Variants in LSAMP observed in about 807,000 individuals in gnomAD.
LSAMP encodes limbic system-associated membrane protein.
In LSAMP, 7 loss-of-function variants were observed where a neutral mutation model predicts 38.6. The ratio of observed to expected loss-of-function variants is 0.18; its 90% CI spans 0.10 to 0.34. LSAMP has a LOEUF of 0.34. LSAMP is among the 10% of genes least tolerant of loss of function. LSAMP has a pLI of 1.00. For synonymous variants in LSAMP, 154 were observed against 166.8 expected (o/e 0.92, Z 0.59); for missense variants, 313 against 420.0 (o/e 0.75, Z 2.23).
intron 3 of LSAMP, among the ~76,000 whole-genome samples, chr3:115,893,114 A>T (rs972014111): frequency 6.6e-6 from 1 of 151,970 alleles, no homozygotes; most frequent in East Asian, 1.9e-4. Context: ...ACATGGACAC[A>T]GGGAGGGGAA....
intron 1 of LSAMP, among the ~76,000 whole-genome samples, chr3:116,095,288 A>T (rs1267239630): frequency 1.3e-5 from 2 of 152,236 alleles, no homozygotes; most frequent in Non-Finnish European, 2.9e-5. Flanking sequence ...AAACCCAGAC[A>T]AGCTGCGCAA....
intron 3 of LSAMP, among the ~76,000 whole-genome samples, chr3:115,884,233 G>C (rs1283909956): frequency 2.0e-5 from 3 of 152,042 alleles, no homozygotes; most frequent in Non-Finnish European, 4.4e-5. Flanking sequence ...TACATAAAGA[G>C]AATGATTTTG....
intron 3 of LSAMP, among the ~76,000 whole-genome samples, chr3:115,860,894 G>T (rs977847786): frequency 5.3e-5 from 8 of 152,194 alleles, no homozygotes; most frequent in Non-Finnish European, 7.3e-5. Flanking sequence ...ATGGTGATGT[G>T]TGAGGACATG....
At chr3:115,814,068 T>C (rs1355260752) in intron 6 of LSAMP, 1 of 152,218 alleles carries the variant, frequency 6.6e-6, no homozygotes, top group Non-Finnish European at 1.5e-5. Context: ...CACCCACTGA[T>C]GTATGTGGTA....
intron 1 of LSAMP, among the ~76,000 whole-genome samples, chr3:116,097,226 A>T (rs1259980101): frequency 6.6e-6 from 1 of 152,216 alleles, no homozygotes; most frequent in African/African-American, 2.4e-5. Flanking sequence ...TGGAAAAAAA[A>T]TATGGTCTTT....
At chr3:116,320,838 A>G (rs542978940) in intron 1 of LSAMP, among the ~76,000 whole-genome samples, 1 of 152,154 alleles carries the variant, frequency 6.6e-6, no homozygotes, top group Non-Finnish European at 1.5e-5. Context: ...GGGTAAATTT[A>G]CTCGCAACAT....
At chr3:116,272,029 A>G (rs4831091) in intron 1 of LSAMP, among the ~76,000 whole-genome samples, 150,250 of 152,212 alleles carry the variant, frequency 0.99, 74,201 homozygotes, top group Middle Eastern at 1. Context: ...TAGAATGATA[A>G]AAGAGATGGA....
intron 1 of LSAMP, among the ~76,000 whole-genome samples, chr3:116,130,059 C>A (rs1280193121): frequency 6.6e-6 from 1 of 152,190 alleles, no homozygotes; most frequent in East Asian, 1.9e-4. Context: ...TCTAGGAACA[C>A]TCTCAGTAGT....
At chr3:115,925,642 T>A (rs1030345206) in intron 3 of LSAMP, among the ~76,000 whole-genome samples, 1 of 152,218 alleles carries the variant, frequency 6.6e-6, no homozygotes, top group Admixed American at 6.5e-5. Flanking sequence ...GTAACTAATA[T>A]GAACTGACCC....
intron 1 of LSAMP, among the ~76,000 whole-genome samples, chr3:116,123,637 T>C (rs1708938328): frequency 6.6e-6 from 1 of 152,206 alleles, no homozygotes; most frequent in African/African-American, 2.4e-5. Flanking sequence ...TGGGTTATCT[T>C]TTTATTTTAA....
At chr3:115,951,939 T>C (rs1350234666) in intron 3 of LSAMP, among the ~76,000 whole-genome samples, 1 of 152,096 alleles carries the variant, frequency 6.6e-6, no homozygotes, top group Non-Finnish European at 1.5e-5. Context: ...AAAGAAGATA[T>C]ACAAATGGCC....
At chr3:115,908,498 T>G (rs1319203133) in intron 3 of LSAMP, among the ~76,000 whole-genome samples, 1 of 152,090 alleles carries the variant, frequency 6.6e-6, no homozygotes, top group Non-Finnish European at 1.5e-5. Flanking sequence ...TTCAGCAAAG[T>G]GGAAGATGAA....
At chr3:116,042,485 A>T (rs957256113) in intron 2 of LSAMP, among the ~76,000 whole-genome samples, 1 of 147,364 alleles carries the variant, frequency 6.8e-6, no homozygotes, top group East Asian at 2.0e-4. Flanking sequence ...GCTGGAGTGC[A>T]GTGGCACGAT....
chr3:116,356,974 T>C (rs1460565865), intron 1 of LSAMP, among the ~76,000 whole-genome samples: 1 of 152,162 alleles, frequency 6.6e-6, no homozygotes, highest in East Asian at 1.9e-4. Flanking sequence ...TTTGTATTTT[T>C]AGTAGAGACG....
intron 3 of LSAMP, among the ~76,000 whole-genome samples, chr3:115,904,925 C>T (rs1559874852): frequency 6.6e-6 from 1 of 152,078 alleles, no homozygotes; most frequent in Non-Finnish European, 1.5e-5. Flanking sequence ...AGAACTTTTG[C>T]CTGTCTTCAC....
rs3087024 is a variant in LSAMP, at chr3:115,878,453, CTTTTTTTTTTTTT to C, written c.515-25849_515-25837del. On this transcript the variant is annotated intron_variant, in intron 3 of 6. Transcript: ENST00000490035. ...CTTGATACTTTGAGAACATGCTATT[CTTTTTTTTTTTTT>C]TTTTTTTTTTTTTTTGACAGACTCT... Among the ~76,000 whole-genome samples the C allele has an allele frequency of 3.2e-4, 18 of 55,536 alleles. 1 individual carries two copies. Among genetic ancestry groups the C allele is most frequent in the Middle Eastern group, 0.027 (2 of 74 alleles). 36.4% of individuals were successfully genotyped at this position (55,536 alleles called of 152,430 possible). A position where few individuals can be genotyped will look rare whatever the true frequency, so the allele number is the denominator to read the frequency against.
rs543810893 is a variant in LSAMP, at chr3:116,036,894, G to C, written c.389-17254C>G. On this transcript the variant is annotated intron_variant, in intron 2 of 6. Coordinates refer to ENST00000490035, the MANE Select transcript of LSAMP (RefSeq NM_002338.5). ...AGTTTCTCTCCATTTGCATATGCTA[G>C]CTAGTAAATAGCATAGCTGCTGGAA... 3.2e-4 allele frequency among the ~76,000 whole-genome samples: 48 copies of C among 152,200 alleles called. 2 individuals are homozygous for C. Among genetic ancestry groups the C allele is most frequent in the African/African-American group, 1.1e-3 (46 of 41,554 alleles).
At chr3:116,108,882 T>A (rs1212369024) in intron 1 of LSAMP, among the ~76,000 whole-genome samples, 1 of 152,162 alleles carries the variant, frequency 6.6e-6, no homozygotes, top group Non-Finnish European at 1.5e-5. Flanking sequence ...TGTCTCACAG[T>A]GGAGGCAAGG....
At chr3:116,268,783 T>TA (rs1173104021) in intron 1 of LSAMP, among the ~76,000 whole-genome samples, 2 of 152,104 alleles carry the variant, frequency 1.3e-5, no homozygotes, top group Non-Finnish European at 2.9e-5. Flanking sequence ...GTTGCTCATT[T>TA]AAAAAAATAT....
Sources: gnomAD v4.1 joint callset for allele counts (sites outside exome capture counted in the v4.1 genomes callset) on GRCh38, gnomAD v4.1.1 for gene constraint, MANE v1.5 for transcripts, NCBI Gene and HGNC (gene_info 2026-07-23, HGNC 2026-07-21) for gene names.